AFF3: variants seen among roughly 807,000 people sequenced by gnomAD.
The protein encoded by AFF3 is ALF transcription elongation factor 3, also known as AF4/FMR2 family member 3.
AFF3 carries 32 observed loss-of-function variants against 129.7 expected under a neutral mutation model. The ratio of observed to expected loss-of-function variants is 0.25; its 90% confidence interval spans 0.19 to 0.33. AFF3 has a LOEUF of 0.33. AFF3 is among the 10% of genes least tolerant of loss of function. AFF3 has a pLI of 1.00. For missense variants in AFF3, 1,373 were observed against 1,592.0 expected, an observed-to-expected ratio of 0.86 and a Z score of 2.34; for synonymous variants, 644 against 635.4, an observed-to-expected ratio of 1.01 and a Z score of -0.20.
At chr2:99,905,914 GT>G (rs146066097) in intron 7 of AFF3, among the ~76,000 whole-genome samples, 1,953 of 149,312 alleles carry the variant, frequency 0.013, 41 homozygotes, top group African/African-American at 0.045. Context: ...CCCATTCAAT[GT>G]TTTTTTTTTA....
intron 8 of AFF3, among the ~76,000 whole-genome samples, chr2:99,765,633 T>G (rs544489038): frequency 6.6e-6 from 1 of 152,234 alleles, no homozygotes; most frequent in African/African-American, 2.4e-5. Flanking sequence ...AGCTGGCACA[T>G]AGTAGGTGCT....
intron 8 of AFF3, among the ~76,000 whole-genome samples, chr2:99,755,250 T>C (rs1420462008): frequency 3.3e-5 from 5 of 151,686 alleles, no homozygotes. Context: ...CTGCCCTCCC[T>C]ACCTTCATGA....
At chr2:100,004,985 T>G (rs1408534681) in intron 7 of AFF3, among the ~76,000 whole-genome samples, 1 of 152,136 alleles carries the variant, frequency 6.6e-6, no homozygotes, top group East Asian at 1.9e-4. Flanking sequence ...GAGGGCAGGC[T>G]CGCTAGTTCA....
In AFF3 at chr2:99,547,752, A is replaced by G. The variant is rs1446052693; in HGVS notation, c.*3722T>C. 3 of 208,208 alleles carry G rather than the reference A, an allele frequency of 1.4e-5. No homozygotes were observed. Among genetic ancestry groups the G allele is most frequent in the Non-Finnish European group, 2.0e-5 (2 of 101,880 alleles). The allele number at this position is 208,208 out of a possible 1,614,324, so 12.9% of individuals were successfully genotyped here. A position where few individuals can be genotyped will look rare whatever the true frequency, so the allele number is the denominator to read the frequency against. ...CAGTTTTATGTTAGCTGTATTGTAC[A>G]TATATATTTTTAAATGTATGCATTT... On this transcript the variant is annotated 3_prime_UTR_variant, in exon 25 of 25. Coordinates refer to ENST00000672756, the MANE Select transcript of AFF3 (RefSeq NM_001386135.1).
intron 4 of AFF3, among the ~76,000 whole-genome samples, chr2:100,034,924 T>A (rs1684785915): frequency 1.3e-5 from 2 of 152,196 alleles, no homozygotes; most frequent in Non-Finnish European, 2.9e-5. Flanking sequence ...GGTTGTAAAA[T>A]ATGAAGTCTG....
At chr2:99,810,901 G>A (rs755725229) in intron 8 of AFF3, among the ~76,000 whole-genome samples, 4 of 152,094 alleles carry the variant, frequency 2.6e-5, no homozygotes, top group Non-Finnish European at 4.4e-5. Flanking sequence ...AGCGACACTG[G>A]ACAAGTCTTT....
chr2:99,781,871 T>G (rs1390492508), intron 8 of AFF3, among the ~76,000 whole-genome samples: 1 of 152,160 alleles, frequency 6.6e-6, no homozygotes, highest in Non-Finnish European at 1.5e-5. Flanking sequence ...AAGAGTGATT[T>G]AAACTTAACA....
intron 11 of AFF3, among the ~76,000 whole-genome samples, chr2:99,715,809 C>A (rs1162014029): frequency 1.3e-5 from 2 of 151,796 alleles, no homozygotes; most frequent in African/African-American, 2.4e-5. Flanking sequence ...GTAGCTGGGA[C>A]TACAGGTACA....
At chr2:100,138,804 G>C (rs569490543) in intron 1 of AFF3, among the ~76,000 whole-genome samples, 4 of 152,082 alleles carry the variant, frequency 2.6e-5, no homozygotes, top group South Asian at 2.1e-4. Flanking sequence ...AATTAGCCAG[G>C]CGTGACGGTG....
chr2:99,933,038 T>C (rs1195612334), intron 7 of AFF3, among the ~76,000 whole-genome samples: 2 of 152,174 alleles, frequency 1.3e-5, no homozygotes, highest in African/African-American at 4.8e-5. Context: ...TAAATATATA[T>C]GTGCATAATT....
rs567265851 is a variant in AFF3, at chr2:99,597,356, T to C, written c.1372-3067A>G. 7.2e-5 allele frequency among the ~76,000 whole-genome samples: 11 copies of C among 152,384 alleles called. No homozygotes were observed. The South Asian group carries it at 1.9e-3, about 26-fold the overall frequency. ...AAACAGTACTTGTTGCCCTCTGTTA[T>C]ACTCAATTGCGTTGTCTTTTGATGT... On this transcript the variant is annotated intron_variant, in intron 14 of 24. Transcript: ENST00000672756.
intron 8 of AFF3, among the ~76,000 whole-genome samples, chr2:99,784,446 T>C (rs541461096): frequency 1.6e-3 from 238 of 152,146 alleles, no homozygotes; most frequent in African/African-American, 5.3e-3. Context: ...AGAAAGGAGA[T>C]GAAAGGTACA....
At chr2:100,111,103 C>T (rs981345530) in intron 2 of AFF3, among the ~76,000 whole-genome samples, 1 of 152,178 alleles carries the variant, frequency 6.6e-6, no homozygotes, top group Non-Finnish European at 1.5e-5. Flanking sequence ...TTGATGACTG[C>T]TTCATATAAC....
intron 8 of AFF3, among the ~76,000 whole-genome samples, chr2:99,760,398 CAAAAT>C (rs1474394911): frequency 6.6e-6 from 1 of 152,020 alleles, no homozygotes; most frequent in African/African-American, 2.4e-5. Flanking sequence ...AGATTTCTGA[CAAAAT>C]AATAGTCAGT....
chr2:99,803,361 A>G (rs1686106699), intron 8 of AFF3, among the ~76,000 whole-genome samples: 1 of 152,058 alleles, frequency 6.6e-6, no homozygotes, highest in Admixed American at 6.6e-5. Context: ...TTTTGCACTT[A>G]TGTTCATCAG....
chr2:99,815,326 C>T (rs773174260), intron 8 of AFF3, among the ~76,000 whole-genome samples: 16 of 152,262 alleles, frequency 1.1e-4, no homozygotes, highest in East Asian at 3.9e-4. Flanking sequence ...CACTGTTGTA[C>T]GACCAGCACC....
At chr2:99,929,494 C>A (rs1057135252) in intron 7 of AFF3, among the ~76,000 whole-genome samples, 3 of 152,170 alleles carry the variant, frequency 2.0e-5, no homozygotes, top group Non-Finnish European at 2.9e-5. Context: ...TTATCTTCTT[C>A]ATTTTAATTT....
rs548156498 is a variant in AFF3, at chr2:99,554,538, G to T, written c.3336-4C>A. ...GGGGGATGGGGTTCCAGTGCTCCTG[G>T]AAGGGGAGAGGTAGAAAAACCAGAG... On this transcript the variant is annotated splice_polypyrimidine_tract_variant and splice_region_variant and intron_variant, in intron 23 of 24. Transcript: ENST00000672756. The T allele has an allele frequency of 6.2e-7, 1 of 1,611,736 alleles. No homozygotes were observed. Among genetic ancestry groups the T allele is most frequent in the Admixed American group, 1.7e-5 (1 of 59,644 alleles).
chr2:100,104,798 A>AGCC lies in AFF3; in HGVS notation c.-64-283_-64-281dup, dbSNP rs1161664536. On this transcript the variant is annotated intron_variant, in intron 3 of 24. Transcript: ENST00000672756. ...TCGCGGCGGCCCGGCCCGCTGCTGCAGCCGCCGCCGCCGCCGCCGCCGCCG... is the reference window on the plus strand; with the variant it reads ...TCGCGGCGGCCCGGCCCGCTGCTGCAGCCGCCGCCGCCGCCGCCGCCGCCGCCG... 1.4e-3 allele frequency: 864 copies of AGCC among 616,494 alleles called. 12 individuals are homozygous for AGCC. The highest frequency in any genetic ancestry group is 0.013 in the South Asian group (183 of 13,960). 38.2% of individuals were successfully genotyped at this position (616,494 alleles called of 1,614,324 possible).
Sources: allele counts gnomAD v4.1 joint callset (sites outside exome capture counted in the v4.1 genomes callset), GRCh38; gene constraint gnomAD v4.1.1; transcripts MANE v1.5; gene names NCBI Gene and HGNC (gene_info 2026-07-23, HGNC 2026-07-21).